The following MEGF11 variants were observed in gnomAD, a reference collection of about 807,000 sequenced individuals.
MEGF11 encodes the protein multiple EGF like domains 11.
A neutral mutation model predicts 146.6 loss-of-function variants in MEGF11; 126 were observed. The observed-to-expected ratio is 0.86, with a 90% CI of 0.74 to 1.00. The LOEUF (loss-of-function observed/expected upper bound fraction) is 1.00, where lower values mean the gene tolerates loss of function less well. Ranked by LOEUF, MEGF11 falls within the 50% of genes least tolerant of loss-of-function variation. MEGF11 has a pLI of 0.00. For missense variants in MEGF11, 1,509 were observed against 1,521.2 expected, an observed-to-expected ratio of 0.99 and a Z score of 0.13; for synonymous variants, 532 against 583.4, an observed-to-expected ratio of 0.91 and a Z score of 1.27.
intron 5 of MEGF11, among the ~76,000 whole-genome samples, chr15:66,056,364 C>G (rs1366292033): frequency 6.6e-6 from 1 of 152,066 alleles, no homozygotes; most frequent in African/African-American, 2.4e-5. Flanking sequence ...AAAATAGGAG[C>G]CCCAGTCAGC....
intron 10 of MEGF11, among the ~76,000 whole-genome samples, chr15:65,945,196 C>G (rs2141401001): frequency 6.6e-6 from 1 of 152,236 alleles, no homozygotes; most frequent in South Asian, 2.1e-4. Flanking sequence ...GTGCCCAGCC[C>G]CTTGGGTTTT....
At chr15:66,094,537 G>C in intron 4 of MEGF11, 43 bp from the exon 5 acceptor site, 2 of 1,500,500 alleles carry the variant, frequency 1.3e-6, no homozygotes, top group African/African-American at 2.8e-5. Flanking sequence ...AGAACAAACA[G>C]TGAAAACCAA....
At chr15:65,961,433 G>C (rs1021726043) in intron 9 of MEGF11, among the ~76,000 whole-genome samples, 1 of 152,150 alleles carries the variant, frequency 6.6e-6, no homozygotes, top group Admixed American at 6.5e-5. Flanking sequence ...TGCATCTGTT[G>C]GCTAAATCAA....
intron 1 of MEGF11, among the ~76,000 whole-genome samples, chr15:66,243,368 G>A (rs1285775876): frequency 6.6e-6 from 1 of 152,234 alleles, no homozygotes; most frequent in Non-Finnish European, 1.5e-5. Context: ...CGGGGAGGCA[G>A]GACAAGGTCA....
chr15:66,167,861 G>T (rs1218762217), intron 1 of MEGF11, among the ~76,000 whole-genome samples: 1 of 152,160 alleles, frequency 6.6e-6, no homozygotes, highest in Non-Finnish European at 1.5e-5. Flanking sequence ...ACTTTGTGAG[G>T]CCGGGGGGAA....
At chr15:66,011,437 G>A (rs575130351) in intron 5 of MEGF11, among the ~76,000 whole-genome samples, 107 of 152,218 alleles carry the variant, frequency 7.0e-4, no homozygotes, top group Non-Finnish European at 1.3e-3. Flanking sequence ...AGCGAGATGC[G>A]GAAAGCTGTG....
intron 5 of MEGF11, among the ~76,000 whole-genome samples, chr15:66,076,317 A>T (rs542532293): frequency 2.0e-5 from 3 of 149,172 alleles, no homozygotes; most frequent in Admixed American, 6.8e-5. Context: ...GCCAAACTTG[A>T]TAACTCTGTC....
intron 10 of MEGF11, among the ~76,000 whole-genome samples, chr15:65,932,102 C>G (rs1285825805): frequency 6.6e-6 from 1 of 152,160 alleles, no homozygotes; most frequent in African/African-American, 2.4e-5. Context: ...ATAAGGGAGG[C>G]GGTCGAGGCT....
chr15:66,206,306 C>G (rs1431105857), intron 1 of MEGF11, among the ~76,000 whole-genome samples: 8 of 151,880 alleles, frequency 5.3e-5, no homozygotes, highest in African/African-American at 1.9e-4. Context: ...TATATAACAT[C>G]TGTGTCATCA....
intron 1 of MEGF11, among the ~76,000 whole-genome samples, chr15:66,246,654 TA>T (rs57149998): frequency 0.039 from 5,913 of 150,050 alleles, 386 homozygotes; most frequent in African/African-American, 0.14. Flanking sequence ...AAAAAAAAAA[TA>T]AAAATAATTA....
chr15:66,034,168 C>A (rs546599929), intron 5 of MEGF11, among the ~76,000 whole-genome samples: 1 of 152,178 alleles, frequency 6.6e-6, no homozygotes, highest in Non-Finnish European at 1.5e-5. Flanking sequence ...CCTGTCCCAC[C>A]ATTGCATTTT....
intron 9 of MEGF11, among the ~76,000 whole-genome samples, chr15:65,962,799 C>T (rs1349728497): frequency 6.6e-6 from 1 of 152,128 alleles, no homozygotes; most frequent in Non-Finnish European, 1.5e-5. Flanking sequence ...GGTGGTGATG[C>T]AGACTCAGAG....
chr15:66,183,317 T>C (rs1314754853), intron 1 of MEGF11, among the ~76,000 whole-genome samples: 1 of 151,926 alleles, frequency 6.6e-6, no homozygotes, highest in African/African-American at 2.4e-5. Flanking sequence ...CTGGCCAACA[T>C]GGTGAAACAC....
At chr15:65,976,496 C>T (rs1381257686) in intron 7 of MEGF11, among the ~76,000 whole-genome samples, 1 of 152,198 alleles carries the variant, frequency 6.6e-6, no homozygotes, top group Non-Finnish European at 1.5e-5. Context: ...GAGACTAAGA[C>T]AGACCCAGAA....
chr15:66,124,145 C>T, intron 2 of MEGF11, 145 bp from the exon 3 acceptor site: 1 of 666,740 alleles, frequency 1.5e-6, no homozygotes, highest in Non-Finnish European at 2.7e-6. Flanking sequence ...CCCAACTATC[C>T]TCCCCCTGCC....
At chr15:66,085,213 AC>A (rs2086058014) in intron 5 of MEGF11, among the ~76,000 whole-genome samples, 2 of 152,042 alleles carry the variant, frequency 1.3e-5, no homozygotes, top group South Asian at 4.2e-4. Context: ...GCCTATGCCC[AC>A]CCCCAGCTGA....
At chr15:66,195,841 G>T (rs913768749) in intron 1 of MEGF11, among the ~76,000 whole-genome samples, 1 of 152,164 alleles carries the variant, frequency 6.6e-6, no homozygotes, top group Admixed American at 6.5e-5. Flanking sequence ...GCCCTATCAG[G>T]TTGCATCTGT....
At chr15:66,144,872 T>C (rs2141016689) in intron 1 of MEGF11, among the ~76,000 whole-genome samples, 2 of 152,360 alleles carry the variant, frequency 1.3e-5, no homozygotes, top group Middle Eastern at 3.4e-3. Context: ...CATTATGTAC[T>C]GAGTGCCTCT....
chr15:66,138,083 A>G (rs1214679918), intron 1 of MEGF11, among the ~76,000 whole-genome samples: 1 of 152,164 alleles, frequency 6.6e-6, no homozygotes, highest in East Asian at 1.9e-4. Flanking sequence ...TTTAACCACA[A>G]TAAAGCCACC....
Sources: allele counts gnomAD v4.1 joint callset (sites outside exome capture counted in the v4.1 genomes callset), GRCh38; gene constraint gnomAD v4.1.1; transcripts MANE v1.5; gene names NCBI Gene and HGNC (gene_info 2026-07-23, HGNC 2026-07-21).